SLC5A3: variants seen among roughly 807,000 people sequenced by gnomAD.
The protein encoded by SLC5A3 is solute carrier family 5 member 3, also known as sodium/myo-inositol cotransporter.
Under a neutral mutation model 43.2 loss-of-function variants are expected in SLC5A3, and 10 were observed. That is an observed-to-expected ratio of 0.23 (90% CI 0.14 to 0.39). The LOEUF (loss-of-function observed/expected upper bound fraction) is 0.39. SLC5A3 is among the 10% of genes least tolerant of loss of function. The pLI, the probability that SLC5A3 is intolerant of heterozygous loss-of-function variation, is 1.00. For synonymous variants in SLC5A3, 349 were observed against 322.0 expected (o/e 1.08, Z -0.90); for missense variants, 608 against 893.4 (o/e 0.68, Z 4.07).
At chr21:34,084,614 C>T (rs906953673) in intron 1 of SLC5A3, among the ~76,000 whole-genome samples, 1 of 152,100 alleles carries the variant, frequency 6.6e-6, no homozygotes, top group African/African-American at 2.4e-5. Context: ...CTCTTGAATC[C>T]TCAGCCATCT....
chr21:34,089,692 A>G (rs2834376), intron 1 of SLC5A3, among the ~76,000 whole-genome samples: 123,448 of 152,132 alleles, frequency 0.81, 52,686 homozygotes, highest in East Asian at 0.94. Context: ...TGATAAAAGT[A>G]GAGCTGTTCT....
intron 1 of SLC5A3, among the ~76,000 whole-genome samples, chr21:34,090,275 AGG>A (rs1305996563): frequency 6.6e-6 from 1 of 152,230 alleles, no homozygotes; most frequent in East Asian, 1.9e-4. Context: ...TAAAGTAAGC[AGG>A]GGTTGAGGAC....
intron 1 of SLC5A3, among the ~76,000 whole-genome samples, chr21:34,078,798 CAT>C (rs774127173): frequency 6.6e-6 from 1 of 152,122 alleles, no homozygotes; most frequent in Non-Finnish European, 1.5e-5. Flanking sequence ...TGTGATTACT[CAT>C]GTTATAAAAA....
In SLC5A3 at chr21:34,102,461, C is replaced by G. The variant is rs1398830543; in HGVS notation, c.*5106C>G. ...GTAAGCACCTAATTTATCCAGTAACCAACAACCCTAACCATTGGCATATAT... is the reference window on the plus strand; with the variant it reads ...GTAAGCACCTAATTTATCCAGTAACGAACAACCCTAACCATTGGCATATAT... On this transcript the variant is annotated 3_prime_UTR_variant, in exon 2 of 2. Coordinates refer to ENST00000381151, the MANE Select transcript of SLC5A3 (RefSeq NM_006933.7). 13 of 999,868 alleles carry G rather than the reference C, an allele frequency of 1.3e-5. No individual in the cohort carries two copies. In the Admixed American group the frequency reaches 8.0e-4, roughly 62 times the overall value. The allele number at this position is 999,868 out of a possible 1,614,324, so 61.9% of individuals were successfully genotyped here. A position where few individuals can be genotyped will look rare whatever the true frequency, so the allele number is the denominator to read the frequency against.
At chr21:34,073,993 C>T (rs925152540) in intron 1 of SLC5A3, among the ~76,000 whole-genome samples, 3 of 146,058 alleles carry the variant, frequency 2.1e-5, no homozygotes, top group African/African-American at 7.4e-5. Context: ...GGGTGTGCCT[C>T]GCAAGCGGCC....
In SLC5A3 at chr21:34,095,615, CTCGGTGGATCTGTAT is replaced by C; in HGVS notation, c.422_436del (p.Val141_Ser145del). On this transcript the variant is annotated inframe_deletion, in exon 2 of 2. Coordinates refer to ENST00000381151, the MANE Select transcript of SLC5A3 (RefSeq NM_006933.7). ...TGATTCTCTATATTTTCACCAAGCT[CTCGGTGGATCTGTAT>C]TCGGGTGCCCTTTTTATCCAGGAGT... 6.2e-7 allele frequency: 1 copy of C among 1,613,714 alleles called. No individual in the cohort carries two copies. The highest frequency in any genetic ancestry group is 8.5e-7 in the Non-Finnish European group (1 of 1,179,938).
chr21:34,096,270 C>G lies in SLC5A3; in HGVS notation c.1072C>G (p.Leu358Val), dbSNP rs1213823624. The change falls in exon 2 of 2, where the codon CTG (leucine) becomes GTG (valine). Residue 358 changes from leucine (L) to valine (V), a missense_variant. Around this residue, in one of 2 missense-constraint regions of SLC5A3, gnomAD observed 398 missense variants for 668.6 expected, o/e 0.60. Transcript: ENST00000381151. This position sits in a 1 kb window ranked among gnomAD's most constrained non-coding sequence, Gnocchi z 5.9. ...TGCTTACCCACGCCTGGTGATGAAG[C>G]TGGTTCCTGTGGGCCTTCGGGGTTT... ...NIAYPRLVMK[L>V]VPVGLRGLMM... 1.2e-6 allele frequency: 2 copies of G among 1,614,130 alleles called. No individual in the cohort carries two copies. The highest frequency in any genetic ancestry group is 2.2e-5 in the South Asian group (2 of 91,088).
chr21:34,080,922 A>G (rs1244123283), intron 1 of SLC5A3, among the ~76,000 whole-genome samples: 1 of 152,234 alleles, frequency 6.6e-6, no homozygotes, highest in African/African-American at 2.4e-5. Context: ...ATGTTACCAG[A>G]AGTTGTGTTG....
Position 34,104,650 on chromosome 21 carries a change from G to A in SLC5A3, c.*7295G>A. 1.0e-6 allele frequency: 1 copy of A among 1,000,212 alleles called. No homozygotes were observed. Among genetic ancestry groups the A allele is most frequent in the Non-Finnish European group, 1.2e-6 (1 of 829,970 alleles). The allele number at this position is 1,000,212 out of a possible 1,614,324, so 62.0% of individuals were successfully genotyped here. On this transcript the variant is annotated 3_prime_UTR_variant, in exon 2 of 2. Transcript: ENST00000381151. ...TTCTTGCCAGCAAAAAGCTAGCCAG[G>A]AATGAGCCTACCACATTATTTGAGA...
At position 34,099,679 on chromosome 21, in the gene SLC5A3, T is replaced by C. The variant is rs1448396241; in HGVS notation, c.*2324T>C. On this transcript the variant is annotated 3_prime_UTR_variant, in exon 2 of 2. Transcript: ENST00000381151. ...TAGGGTCCCTCTACCTTCTTTCTGC[T>C]CTTGTCTTAGTAAGATACATAAGGT... The C allele has an allele frequency of 1.0e-6, 1 of 998,116 alleles. No homozygotes were observed. Among genetic ancestry groups the C allele is most frequent in the Non-Finnish European group, 1.2e-6 (1 of 829,712 alleles). 61.8% of individuals were successfully genotyped at this position (998,116 alleles called of 1,614,324 possible).
chr21:34,086,465 T>C (rs988331632), intron 1 of SLC5A3, among the ~76,000 whole-genome samples: 4 of 152,116 alleles, frequency 2.6e-5, no homozygotes, highest in Non-Finnish European at 5.9e-5. Context: ...ATTAGTCCTT[T>C]TGCATCAGTT....
intron 1 of SLC5A3, among the ~76,000 whole-genome samples, chr21:34,080,988 T>C (rs1447619997): frequency 6.6e-6 from 1 of 152,194 alleles, no homozygotes; most frequent in African/African-American, 2.4e-5. Flanking sequence ...AATTTAAATA[T>C]CATGTGAGCT....
chr21:34,105,197 T>G lies in SLC5A3; in HGVS notation c.*7842T>G. 1.0e-6 allele frequency: 1 copy of G among 1,000,314 alleles called. No individual in the cohort carries two copies. The highest frequency in any genetic ancestry group is 1.2e-6 in the Non-Finnish European group (1 of 829,990). The allele number at this position is 1,000,314 out of a possible 1,614,324, so 62.0% of individuals were successfully genotyped here. A position where few individuals can be genotyped will look rare whatever the true frequency, so the allele number is the denominator to read the frequency against. ...TCAGTTTATAGATTGCCAGCAGAGT[T>G]CAGAAATAGAGCAGGGATTTACCCG... On this transcript the variant is annotated 3_prime_UTR_variant, in exon 2 of 2. Transcript: ENST00000381151.
rs1319549003 is a variant in SLC5A3 at position 34,106,180 on chromosome 21, T to C, written c.*8825T>C. ...AAGTACATTCCTTTCTGTGGTATTT[T>C]GTCCTGTAACTGAAGTATAGTAATT... On this transcript the variant is annotated 3_prime_UTR_variant, in exon 2 of 2. Transcript: ENST00000381151. 1 of 986,490 alleles carries C rather than the reference T, an allele frequency of 1.0e-6. No individual in the cohort carries two copies. The highest frequency in any genetic ancestry group is 6.2e-5 in the Admixed American group (1 of 16,250). 61.1% of individuals were successfully genotyped at this position (986,490 alleles called of 1,614,324 possible). A position where few individuals can be genotyped will look rare whatever the true frequency, so the allele number is the denominator to read the frequency against.
In SLC5A3 at chr21:34,095,520, A is replaced by G. The variant is rs1315862142; in HGVS notation, c.322A>G (p.Thr108Ala). 6.2e-7 allele frequency: 1 copy of G among 1,613,790 alleles called. No individual in the cohort carries two copies. The highest frequency in any genetic ancestry group is 1.3e-5 in the African/African-American group (1 of 74,822). ...AATTTACATCCGGTCAGGGGTATAT[A>G]CCATGCCTGAATACTTGTCCAAGCG... ...IPIYIRSGVY[T>A]MPEYLSKRFG... Residue 108 changes from threonine to alanine, a missense_variant, in exon 2 of 2, where the codon ACC (threonine) becomes GCC (alanine). This residue lies in a region of SLC5A3 where 398 missense variants were observed against 668.6 expected (regional missense o/e 0.60). Coordinates refer to ENST00000381151, the MANE Select transcript of SLC5A3 (RefSeq NM_006933.7).
Position 34,100,440 on chromosome 21 carries a change from C to T in SLC5A3, c.*3085C>T. On this transcript the variant is annotated 3_prime_UTR_variant, in exon 2 of 2. Coordinates refer to ENST00000381151, the MANE Select transcript of SLC5A3 (RefSeq NM_006933.7). Reference sequence around the variant, plus strand: ...TTTCCTGGGGGTAATTATGCTTTGTCTTTAGATTAGAGAAGCATCAAGCAA... The same window carrying T: ...TTTCCTGGGGGTAATTATGCTTTGTTTTTAGATTAGAGAAGCATCAAGCAA... 13 of 1,000,166 alleles carry T rather than the reference C, an allele frequency of 1.3e-5. No individual in the cohort carries two copies. Among genetic ancestry groups the T allele is most frequent in the Non-Finnish European group, 1.4e-5 (12 of 829,968 alleles). 62.0% of individuals were successfully genotyped at this position (1,000,166 alleles called of 1,614,324 possible).
At chr21:34,082,021 A>C (rs994292635) in intron 1 of SLC5A3, among the ~76,000 whole-genome samples, 1 of 148,828 alleles carries the variant, frequency 6.7e-6, no homozygotes, top group African/African-American at 2.5e-5. Context: ...TCTTCCTCCT[A>C]CCAGCCAGAA....
chr21:34,085,948 CA>C (rs1202501038), intron 1 of SLC5A3, among the ~76,000 whole-genome samples: 2 of 152,210 alleles, frequency 1.3e-5, no homozygotes, highest in African/African-American at 2.4e-5. Flanking sequence ...CACCTAACTA[CA>C]ATTCCTTAAC....
intron 1 of SLC5A3, among the ~76,000 whole-genome samples, chr21:34,084,489 A>C (rs1989528164): frequency 6.6e-6 from 1 of 152,318 alleles, no homozygotes; most frequent in Admixed American, 6.5e-5. Context: ...GTTGATAATA[A>C]TGCCTAACCT....
Sources: allele counts gnomAD v4.1 joint callset (sites outside exome capture counted in the v4.1 genomes callset), GRCh38; gene constraint gnomAD v4.1.1; regional missense constraint gnomAD v4.1.1; non-coding constraint Gnocchi (gnomAD v3.1); transcripts MANE v1.5; gene names NCBI Gene and HGNC (gene_info 2026-07-23, HGNC 2026-07-21).